Variants in PTPRG observed in about 807,000 individuals in gnomAD.
PTPRG encodes the protein receptor-type tyrosine-protein phosphatase gamma.
Under a neutral mutation model 165.3 loss-of-function variants are expected in PTPRG, and 102 were observed. That is an observed-to-expected ratio of 0.62 (90% confidence interval 0.53 to 0.73). PTPRG has a LOEUF of 0.73. Among genes scored for constraint, PTPRG ranks in the 30% least tolerant of loss-of-function variants. PTPRG has a pLI of 0.00. For synonymous variants in PTPRG, 675 were observed against 669.5 expected (o/e 1.01, Z -0.13); for missense variants, 1,866 against 1,861.4 (o/e 1.00, Z -0.05).
intron 2 of PTPRG, among the ~76,000 whole-genome samples, chr3:61,830,293 G>C (rs887615915): frequency 6.6e-6 from 1 of 152,172 alleles, no homozygotes; most frequent in East Asian, 1.9e-4. Context: ...GAATTATACG[G>C]TGTGAACTGT....
intron 4 of PTPRG, among the ~76,000 whole-genome samples, chr3:62,035,593 A>G (rs1699913713): frequency 6.6e-6 from 1 of 152,204 alleles, no homozygotes; most frequent in African/African-American, 2.4e-5. Flanking sequence ...TATTATTGCA[A>G]AGTGACATAT....
At chr3:61,727,799 G>T (rs2032325767) in intron 1 of PTPRG, among the ~76,000 whole-genome samples, 1 of 152,218 alleles carries the variant, frequency 6.6e-6, no homozygotes, top group Admixed American at 6.5e-5. Context: ...AGGTGAGCTT[G>T]TTAAATTCTT....
At chr3:61,875,265 C>A (rs550291375) in intron 2 of PTPRG, among the ~76,000 whole-genome samples, 1 of 152,264 alleles carries the variant, frequency 6.6e-6, no homozygotes, top group African/African-American at 2.4e-5. Flanking sequence ...CTGCAACTGA[C>A]ACTTGAGGAG....
intron 1 of PTPRG, among the ~76,000 whole-genome samples, chr3:61,738,326 A>T (rs59474300): frequency 9.0e-6 from 1 of 110,708 alleles, no homozygotes; most frequent in African/African-American, 3.4e-5. Context: ...ATATATATAT[A>T]TATATATATA....
chr3:61,940,438 C>T (rs2039591952), intron 2 of PTPRG, among the ~76,000 whole-genome samples: 1 of 152,150 alleles, frequency 6.6e-6, no homozygotes, highest in African/African-American at 2.4e-5. Context: ...CAATTAATCT[C>T]ATAGCAGTGA....
At chr3:61,891,281 C>T (rs1264070602) in intron 2 of PTPRG, among the ~76,000 whole-genome samples, 2 of 151,946 alleles carry the variant, frequency 1.3e-5, no homozygotes, top group Non-Finnish European at 2.9e-5. Flanking sequence ...GGTGACAGAG[C>T]GAGACTCCAT....
At chr3:61,973,595 G>A (rs1189312172) in intron 2 of PTPRG, among the ~76,000 whole-genome samples, 3 of 152,112 alleles carry the variant, frequency 2.0e-5, no homozygotes, top group African/African-American at 7.2e-5. Context: ...ACTTTGGGCG[G>A]CTGAGGCAGG....
At chr3:61,786,775 C>T (rs895797227) in intron 2 of PTPRG, among the ~76,000 whole-genome samples, 4 of 152,112 alleles carry the variant, frequency 2.6e-5, no homozygotes, top group African/African-American at 9.7e-5. Flanking sequence ...TGATCATTCT[C>T]TGATTACATC....
At chr3:62,034,682 G>A (rs77691119) in intron 4 of PTPRG, among the ~76,000 whole-genome samples, 2,424 of 152,244 alleles carry the variant, frequency 0.016, 58 homozygotes, top group African/African-American at 0.052. Context: ...GCATTACAAC[G>A]GTACCAAGTC....
At chr3:61,895,008 C>T (rs1361534351) in intron 2 of PTPRG, among the ~76,000 whole-genome samples, 1 of 152,130 alleles carries the variant, frequency 6.6e-6, no homozygotes, top group East Asian at 1.9e-4. Flanking sequence ...ATCTCTGGGC[C>T]CTCTGCCCCC....
intron 1 of PTPRG, among the ~76,000 whole-genome samples, chr3:61,581,234 C>T (rs369224176): frequency 7.9e-5 from 12 of 152,280 alleles, no homozygotes; most frequent in East Asian, 7.7e-4. Flanking sequence ...TCGTTAATTC[C>T]CCCAGAGAAA....
chr3:62,102,306 G>A (rs748773660), intron 5 of PTPRG, among the ~76,000 whole-genome samples: 7 of 151,868 alleles, frequency 4.6e-5, no homozygotes, highest in East Asian at 3.9e-4. Flanking sequence ...ATGGAGTCTC[G>A]CTCTGTTGCC....
intron 2 of PTPRG, among the ~76,000 whole-genome samples, chr3:61,916,850 C>G (rs2038950312): frequency 6.6e-6 from 1 of 152,178 alleles, no homozygotes; most frequent in Non-Finnish European, 1.5e-5. Flanking sequence ...TTACAGATCT[C>G]AAGCTTTTAA....
chr3:61,649,054 T>C (rs1317844235), intron 1 of PTPRG, among the ~76,000 whole-genome samples: 1 of 152,196 alleles, frequency 6.6e-6, no homozygotes, highest in Non-Finnish European at 1.5e-5. Flanking sequence ...ACTTTGGGTT[T>C]GTCTAAGTTT....
At chr3:61,656,574 T>C (rs934779229) in intron 1 of PTPRG, among the ~76,000 whole-genome samples, 3 of 152,208 alleles carry the variant, frequency 2.0e-5, no homozygotes, top group Non-Finnish European at 4.4e-5. Context: ...TTTTTAAAAT[T>C]AACTTTTAGG....
At chr3:61,959,497 A>G (rs889008579) in intron 2 of PTPRG, among the ~76,000 whole-genome samples, 1 of 152,194 alleles carries the variant, frequency 6.6e-6, no homozygotes, top group East Asian at 1.9e-4. Flanking sequence ...TCCTATGAGA[A>G]TGTAATGCTG....
chr3:61,739,577 G>T (rs2032900384), intron 1 of PTPRG, among the ~76,000 whole-genome samples: 1 of 152,164 alleles, frequency 6.6e-6, no homozygotes, highest in African/African-American at 2.4e-5. Flanking sequence ...GTAATATCTG[G>T]TTCAGACCTA....
chr3:61,697,164 A>G (rs1234883437), intron 1 of PTPRG, among the ~76,000 whole-genome samples: 1 of 152,184 alleles, frequency 6.6e-6, no homozygotes, highest in Non-Finnish European at 1.5e-5. Context: ...TCACTGAAGT[A>G]GGTCCTAAGA....
At chr3:61,845,879 A>G (rs1057012241) in intron 2 of PTPRG, among the ~76,000 whole-genome samples, 2 of 152,172 alleles carry the variant, frequency 1.3e-5, no homozygotes, top group Non-Finnish European at 2.9e-5. Flanking sequence ...TTTTTAAAGT[A>G]TTAGTGATTT....
Sources: allele counts gnomAD v4.1 joint callset (sites outside exome capture counted in the v4.1 genomes callset), GRCh38; gene constraint gnomAD v4.1.1; transcripts MANE v1.5; gene names NCBI Gene and HGNC (gene_info 2026-07-23, HGNC 2026-07-21).